Variants in PTPRD observed in about 807,000 individuals in gnomAD.
The protein encoded by PTPRD is receptor-type tyrosine-protein phosphatase delta.
PTPRD carries 34 observed loss-of-function variants against 214.5 expected under a neutral mutation model. That is an observed-to-expected ratio of 0.16 (90% CI 0.12 to 0.21). The LOEUF (loss-of-function observed/expected upper bound fraction) is 0.21. PTPRD is among the 10% of genes least tolerant of loss of function. PTPRD has a pLI of 1.00. For synonymous variants in PTPRD, 1,128 were observed against 845.7 expected (o/e 1.33, Z -5.79); for missense variants, 2,545 against 2,398.7 (o/e 1.06, Z -1.27).
At chr9:10,092,733 T>C (rs1221812228) in intron 3 of PTPRD, among the ~76,000 whole-genome samples, 2 of 151,690 alleles carry the variant, frequency 1.3e-5, no homozygotes, top group Non-Finnish European at 3.0e-5. Flanking sequence ...CAAAACAGCA[T>C]AGTATTGGTA....
At chr9:10,176,906 C>A (rs1044646228) in intron 3 of PTPRD, among the ~76,000 whole-genome samples, 1 of 151,922 alleles carries the variant, frequency 6.6e-6, no homozygotes, top group African/African-American at 2.4e-5. Context: ...CACTGAAGCA[C>A]ATTCTTATAA....
At chr9:8,767,278 C>G (rs763875193) in intron 11 of PTPRD, among the ~76,000 whole-genome samples, 24 of 152,020 alleles carry the variant, frequency 1.6e-4, no homozygotes, top group Non-Finnish European at 3.4e-4. Flanking sequence ...CCACCACAAC[C>G]AGCTAATTTT....
At chr9:9,108,263 A>G (rs1297294780) in intron 10 of PTPRD, among the ~76,000 whole-genome samples, 1 of 151,932 alleles carries the variant, frequency 6.6e-6, no homozygotes, top group Non-Finnish European at 1.5e-5. Flanking sequence ...TTTTGTTTTC[A>G]TTTTCTTCTT....
At chr9:9,771,878 A>C (rs1396612128) in intron 5 of PTPRD, among the ~76,000 whole-genome samples, 5 of 152,228 alleles carry the variant, frequency 3.3e-5, no homozygotes, top group Non-Finnish European at 5.9e-5. Context: ...ATAAGTGTGC[A>C]ACATATTTTA....
intron 12 of PTPRD, among the ~76,000 whole-genome samples, chr9:8,708,075 G>T (rs116400059): frequency 6.6e-6 from 1 of 152,118 alleles, no homozygotes; most frequent in Admixed American, 6.5e-5. Context: ...GCCTTCTAAG[G>T]CACCTCTGAA....
intron 9 of PTPRD, among the ~76,000 whole-genome samples, chr9:9,240,447 C>A (rs1051615360): frequency 2.0e-5 from 3 of 152,036 alleles, no homozygotes; most frequent in African/African-American, 7.2e-5. Context: ...CCGAGGTGGG[C>A]AGATCATGAG....
chr9:10,535,605 T>A (rs1241530819), intron 2 of PTPRD, among the ~76,000 whole-genome samples: 1 of 152,116 alleles, frequency 6.6e-6, no homozygotes, highest in Non-Finnish European at 1.5e-5. Context: ...ATAGCCTTTT[T>A]TAAAAAAAGT....
intron 11 of PTPRD, among the ~76,000 whole-genome samples, chr9:9,018,114 G>C (rs1043059091): frequency 6.6e-6 from 1 of 151,322 alleles, no homozygotes; most frequent in South Asian, 2.1e-4. Flanking sequence ...CTTTCCTTTT[G>C]ACTGCACTTC....
chr9:9,709,808 G>A (rs568158896), intron 7 of PTPRD, among the ~76,000 whole-genome samples: 137 of 152,052 alleles, frequency 9.0e-4, no homozygotes, highest in Non-Finnish European at 1.7e-3. Context: ...ATCATATTTT[G>A]TAAATTTAGA....
At chr9:8,983,449 G>T (rs1010165983) in intron 11 of PTPRD, among the ~76,000 whole-genome samples, 6 of 151,828 alleles carry the variant, frequency 4.0e-5, no homozygotes, top group African/African-American at 1.5e-4. Flanking sequence ...TGTTCAATAC[G>T]TTTTCTCTTA....
At chr9:8,649,962 G>C (rs955042356) in intron 12 of PTPRD, among the ~76,000 whole-genome samples, 1 of 151,938 alleles carries the variant, frequency 6.6e-6, no homozygotes, top group Non-Finnish European at 1.5e-5. Context: ...CTGTTGCCTA[G>C]GCTGGACTGC....
At chr9:9,629,826 G>A (rs892106038) in intron 7 of PTPRD, among the ~76,000 whole-genome samples, 1 of 152,186 alleles carries the variant, frequency 6.6e-6, no homozygotes, top group Non-Finnish European at 1.5e-5. Context: ...CAGCTTACAA[G>A]AAGGAAAAAC....
intron 9 of PTPRD, among the ~76,000 whole-genome samples, chr9:9,217,865 T>C (rs979572581): frequency 6.6e-6 from 1 of 152,136 alleles, no homozygotes; most frequent in Non-Finnish European, 1.5e-5. Context: ...GCGGCTTCCT[T>C]TTTGAAGCCT....
At chr9:8,755,546 C>G (rs1270206060) in intron 11 of PTPRD, among the ~76,000 whole-genome samples, 1 of 143,834 alleles carries the variant, frequency 7.0e-6, no homozygotes, top group Non-Finnish European at 1.5e-5. Context: ...AAAAAAAAAA[C>G]AGCAGCACAA....
At chr9:9,342,370 T>C (rs1157980272) in intron 9 of PTPRD, among the ~76,000 whole-genome samples, 1 of 152,132 alleles carries the variant, frequency 6.6e-6, no homozygotes, top group Non-Finnish European at 1.5e-5. Context: ...TTGTATACTA[T>C]TTTTTGTTTA....
intron 11 of PTPRD, among the ~76,000 whole-genome samples, chr9:8,760,385 C>T (rs1320274414): frequency 2.6e-5 from 4 of 152,078 alleles, no homozygotes; most frequent in African/African-American, 7.2e-5. Flanking sequence ...ATTTCACTTA[C>T]TTTTGCTGCT....
intron 10 of PTPRD, among the ~76,000 whole-genome samples, chr9:9,059,125 G>C (rs1053416399): frequency 6.6e-6 from 1 of 152,146 alleles, no homozygotes; most frequent in Non-Finnish European, 1.5e-5. Context: ...AAAAATATAA[G>C]GAGAGAACAG....
intron 5 of PTPRD, among the ~76,000 whole-genome samples, chr9:9,913,454 G>C (rs545937585): frequency 6.6e-6 from 1 of 152,258 alleles, no homozygotes; most frequent in South Asian, 2.1e-4. Flanking sequence ...CAGATGCCTA[G>C]CATTCATCTC....
At chr9:9,187,947 C>T (rs1466693169) in intron 9 of PTPRD, among the ~76,000 whole-genome samples, 2 of 151,830 alleles carry the variant, frequency 1.3e-5, no homozygotes, top group Non-Finnish European at 2.9e-5. Context: ...ATATAATGCA[C>T]TTATAGAAAA....
Sources: gnomAD v4.1 joint callset for allele counts (sites outside exome capture counted in the v4.1 genomes callset) on GRCh38, gnomAD v4.1.1 for gene constraint, MANE v1.5 for transcripts, NCBI Gene and HGNC (gene_info 2026-07-23, HGNC 2026-07-21) for gene names.